VEGFC: variants seen among roughly 807,000 people sequenced by gnomAD.
VEGFC encodes the protein vascular endothelial growth factor C.
A neutral mutation model predicts 46.1 loss-of-function variants in VEGFC; 12 were observed. That is an observed-to-expected ratio of 0.26 (90% CI 0.17 to 0.42). The LOEUF is 0.42. Ranked by LOEUF, VEGFC falls within the 10% of genes least tolerant of loss-of-function variation. The pLI, the probability that VEGFC is intolerant of heterozygous loss-of-function variation, is 1.00. For missense variants in VEGFC, 488 were observed against 529.4 expected, an observed-to-expected ratio of 0.92 and a Z score of 0.77; for synonymous variants, 232 against 195.5, an observed-to-expected ratio of 1.19 and a Z score of -1.56.
intron 1 of VEGFC, among the ~76,000 whole-genome samples, chr4:176,765,160 CTGTAAAA>C (rs1158477772): frequency 6.6e-6 from 1 of 151,564 alleles, no homozygotes; most frequent in African/African-American, 2.4e-5. Context: ...AATTTGAGAA[CTGTAAAA>C]TGTAATAACT....
intron 1 of VEGFC, among the ~76,000 whole-genome samples, chr4:176,730,905 A>G (rs1734951851): frequency 6.6e-6 from 1 of 152,016 alleles, no homozygotes; most frequent in African/African-American, 2.4e-5. Context: ...TTTTAATTTC[A>G]TTATAACAGA....
At chr4:176,696,353 G>A (rs1207521466) in intron 4 of VEGFC, among the ~76,000 whole-genome samples, 1 of 151,178 alleles carries the variant, frequency 6.6e-6, no homozygotes, top group East Asian at 1.9e-4. Flanking sequence ...GACAAACAGA[G>A]AGCCAAATCA....
At chr4:176,780,126 T>C (rs1316648247) in intron 1 of VEGFC, among the ~76,000 whole-genome samples, 3 of 152,138 alleles carry the variant, frequency 2.0e-5, no homozygotes, top group Admixed American at 6.5e-5. Flanking sequence ...ACGCCTGTAA[T>C]CCCAACACTT....
At chr4:176,702,395 G>T (rs1734449944) in intron 4 of VEGFC, among the ~76,000 whole-genome samples, 1 of 151,644 alleles carries the variant, frequency 6.6e-6, no homozygotes, top group Non-Finnish European at 1.5e-5. Context: ...CTTCCAAATT[G>T]AAATAATACC....
intron 3 of VEGFC, among the ~76,000 whole-genome samples, chr4:176,727,371 A>C (rs756527556): frequency 1.3e-5 from 2 of 152,176 alleles, no homozygotes; most frequent in Non-Finnish European, 2.9e-5. Context: ...ATTTAATTTT[A>C]CACTTTGAAT....
At chr4:176,774,086 G>A (rs1735768624) in intron 1 of VEGFC, among the ~76,000 whole-genome samples, 1 of 151,978 alleles carries the variant, frequency 6.6e-6, no homozygotes, top group Non-Finnish European at 1.5e-5. Flanking sequence ...TAAATGACAA[G>A]TTAGTATTCT....
At position 176,792,174 on chromosome 4, in the gene VEGFC, G is replaced by A; in HGVS notation, c.138C>T (p.Gly46=). The A allele has an allele frequency of 1.3e-6, 2 of 1,511,248 alleles. No individual in the cohort carries two copies. The highest frequency in any genetic ancestry group is 1.3e-5 in the South Asian group (1 of 77,432). The allele number at this position is 1,511,248 out of a possible 1,614,324, so 93.6% of individuals were successfully genotyped here. A position where few individuals can be genotyped will look rare whatever the true frequency, so the allele number is the denominator to read the frequency against. ...CCTAACGCAGACCTACCGTGGCCTCGCCCGCGTCGGGCTCCGCGTCCGAGA... is the reference window on the plus strand; with the variant it reads ...CCTAACGCAGACCTACCGTGGCCTCACCCGCGTCGGGCTCCGCGTCCGAGA... ...LDLSDAEPDA[G]EATAYASKDL... is the part of the protein sequence containing the mutation. Residue 46 remains glycine (G), a synonymous_variant, in exon 1 of 7, where the codon GGC becomes GGT. Coordinates refer to ENST00000618562, the MANE Select transcript of VEGFC (RefSeq NM_005429.5). This position sits in a 1 kb window ranked among gnomAD's most constrained non-coding sequence, Gnocchi z 6.3.
intron 1 of VEGFC, among the ~76,000 whole-genome samples, chr4:176,778,387 T>G (rs1468873437): frequency 3.7e-5 from 2 of 53,696 alleles, no homozygotes; most frequent in Non-Finnish European, 1.1e-4. Flanking sequence ...ATAAAACACA[T>G]ATTTAGGAAA....
chr4:176,755,500 A>G (rs1735417834), intron 1 of VEGFC, among the ~76,000 whole-genome samples: 1 of 151,888 alleles, frequency 6.6e-6, no homozygotes, highest in Non-Finnish European at 1.5e-5. Context: ...ATAACATACC[A>G]TTTATTGGGT....
chr4:176,774,694 T>C (rs545686401), intron 1 of VEGFC, among the ~76,000 whole-genome samples: 4 of 152,252 alleles, frequency 2.6e-5, no homozygotes, highest in East Asian at 1.9e-4. Flanking sequence ...CTTGAAGATA[T>C]ATTACACATT....
In VEGFC at chr4:176,741,361, T is replaced by A. The variant is rs1175964418; in HGVS notation, c.148-11615A>T. On this transcript the variant is annotated intron_variant, in intron 1 of 6. Transcript: ENST00000618562. Reference sequence around the variant, plus strand: ...GTGTGAGCTGGACAATCAACATTGATGAAAATTATATTGGAACATTCCACA... The same window carrying A: ...GTGTGAGCTGGACAATCAACATTGAAGAAAATTATATTGGAACATTCCACA... Among the ~76,000 whole-genome samples, 5 of 151,916 alleles carry A rather than the reference T, an allele frequency of 3.3e-5. No individual in the cohort carries two copies. The South Asian group carries it at 1.0e-3, about 31-fold the overall frequency.
chr4:176,735,250 A>G (rs2111024359), intron 1 of VEGFC, among the ~76,000 whole-genome samples: 1 of 151,992 alleles, frequency 6.6e-6, no homozygotes, highest in South Asian at 2.1e-4. Flanking sequence ...TGTTCATTAT[A>G]TGACTTTAGA....
chr4:176,779,652 GACCAT>G (rs1406221296), intron 1 of VEGFC, among the ~76,000 whole-genome samples: 1 of 137,436 alleles, frequency 7.3e-6, no homozygotes, highest in Non-Finnish European at 1.6e-5. Context: ...CTCCTGAGGA[GACCAT>G]GCTCCTGGAA....
chr4:176,745,087 A>G (rs1334184616), intron 1 of VEGFC, among the ~76,000 whole-genome samples: 3 of 152,034 alleles, frequency 2.0e-5, no homozygotes. Flanking sequence ...GGTTTCAAGG[A>G]CAGGAAGTCC....
At chr4:176,726,260 G>C (rs1349963432) in intron 3 of VEGFC, among the ~76,000 whole-genome samples, 2 of 152,068 alleles carry the variant, frequency 1.3e-5, no homozygotes, top group Non-Finnish European at 1.5e-5. Flanking sequence ...ACTATGTTTA[G>C]AGTCACATTG....
chr4:176,685,019 G>A (rs184859055), intron 6 of VEGFC, among the ~76,000 whole-genome samples: 4 of 152,306 alleles, frequency 2.6e-5, no homozygotes, highest in African/African-American at 7.2e-5. Flanking sequence ...GAGCCACCAC[G>A]CCTGGTGAGA....
chr4:176,782,215 C>T (rs1339197329), intron 1 of VEGFC, among the ~76,000 whole-genome samples: 1 of 152,144 alleles, frequency 6.6e-6, no homozygotes, highest in Non-Finnish European at 1.5e-5. Context: ...GCCTGTAATC[C>T]CAGCACTTTG....
At chr4:176,760,321 A>G (rs530236856) in intron 1 of VEGFC, among the ~76,000 whole-genome samples, 1 of 152,280 alleles carries the variant, frequency 6.6e-6, no homozygotes, top group South Asian at 2.1e-4. Context: ...GCCATTTTTA[A>G]TTGAATTTTA....
At chr4:176,716,301 G>A (rs1025487944) in intron 3 of VEGFC, among the ~76,000 whole-genome samples, 2 of 152,100 alleles carry the variant, frequency 1.3e-5, no homozygotes, top group East Asian at 1.9e-4. Flanking sequence ...TGAGGGCGGG[G>A]CATGGTGACT....
Sources: allele counts gnomAD v4.1 joint callset (sites outside exome capture counted in the v4.1 genomes callset), GRCh38; gene constraint gnomAD v4.1.1; non-coding constraint Gnocchi (gnomAD v3.1); transcripts MANE v1.5; gene names NCBI Gene and HGNC (gene_info 2026-07-23, HGNC 2026-07-21).